NIBAN1: variants seen among roughly 807,000 people sequenced by gnomAD.
NIBAN1 encodes niban apoptosis regulator 1, also known as protein Niban 1.
Under a neutral mutation model 75.1 loss-of-function variants are expected in NIBAN1, and 81 were observed. The observed-to-expected ratio is 1.08, with a 90% CI of 0.90 to 1.30. The LOEUF is 1.30. NIBAN1 is among the 50% of genes most tolerant of loss of function. The pLI, the probability that NIBAN1 is intolerant of heterozygous loss-of-function variation, is 0.00. For synonymous variants in NIBAN1, 436 were observed against 424.8 expected, an observed-to-expected ratio of 1.03 and a Z score of -0.32; for missense variants, 1,133 against 1,128.1, an observed-to-expected ratio of 1.00 and a Z score of -0.06.
At chr1:184,882,612 T>C (rs1164519803) in intron 5 of NIBAN1, among the ~76,000 whole-genome samples, 1 of 152,190 alleles carries the variant, frequency 6.6e-6, no homozygotes, top group East Asian at 1.9e-4. Context: ...GAGTGGGGTT[T>C]TGAATGGGCT....
At chr1:184,837,090 A>T (rs1655163447) in intron 5 of NIBAN1, among the ~76,000 whole-genome samples, 1 of 152,246 alleles carries the variant, frequency 6.6e-6, no homozygotes, top group Non-Finnish European at 1.5e-5. Flanking sequence ...GAGCTCAGTC[A>T]GAATGTACAG....
At chr1:184,818,952 A>G in intron 8 of NIBAN1, 127 bp from the exon 9 acceptor site, 1 of 1,006,496 alleles carries the variant, frequency 9.9e-7, no homozygotes, top group East Asian at 2.5e-5. Context: ...TCAAGAGGCC[A>G]TGACAGACTA....
chr1:184,869,254 A>G (rs1456672299), intron 5 of NIBAN1, among the ~76,000 whole-genome samples: 2 of 152,196 alleles, frequency 1.3e-5, no homozygotes, highest in African/African-American at 2.4e-5. Flanking sequence ...TTATCTTACT[A>G]GTGGAGATCA....
Position 184,974,497 on chromosome 1 carries a change from G to T in NIBAN1, c.-141C>A. ...AGAGGCGAGAGACAGGAGGCAAGAG[G>T]CGTCGCCTTCTGGGGCGCCTCCTCC... On this transcript the variant is annotated 5_prime_UTR_variant, in exon 1 of 14. Coordinates refer to ENST00000367511, the MANE Select transcript of NIBAN1 (RefSeq NM_052966.4). The T allele has an allele frequency of 2.6e-6, 3 of 1,166,896 alleles. No homozygotes were observed. Among genetic ancestry groups the T allele is most frequent in the Non-Finnish European group, 3.5e-6 (3 of 845,940 alleles). The allele number at this position is 1,166,896 out of a possible 1,614,324, so 72.3% of individuals were successfully genotyped here.
chr1:184,926,330 C>A (rs1215385352), intron 1 of NIBAN1, among the ~76,000 whole-genome samples: 1 of 152,170 alleles, frequency 6.6e-6, no homozygotes, highest in Non-Finnish European at 1.5e-5. Context: ...CTCCACCTCC[C>A]GGGTTCAAGT....
At chr1:184,973,428 G>A (rs1658987074) in intron 1 of NIBAN1, among the ~76,000 whole-genome samples, 1 of 151,692 alleles carries the variant, frequency 6.6e-6, no homozygotes, top group Non-Finnish European at 1.5e-5. Flanking sequence ...GAGGGTGGGG[G>A]ATCTGGCGGC....
chr1:184,875,207 C>A (rs1233201821), intron 5 of NIBAN1, among the ~76,000 whole-genome samples: 1 of 152,108 alleles, frequency 6.6e-6, no homozygotes, highest in African/African-American at 2.4e-5. Flanking sequence ...AGAAAAATGG[C>A]CGATGACTAA....
At chr1:184,856,561 A>G (rs1655682519) in intron 5 of NIBAN1, among the ~76,000 whole-genome samples, 1 of 152,202 alleles carries the variant, frequency 6.6e-6, no homozygotes, top group Non-Finnish European at 1.5e-5. Context: ...CAGAAATGAG[A>G]AAATCATAAT....
chr1:184,842,757 T>C (rs569339288), intron 5 of NIBAN1, among the ~76,000 whole-genome samples: 1 of 132,564 alleles, frequency 7.5e-6, no homozygotes, highest in African/African-American at 2.9e-5. Context: ...AAAGTGAAAC[T>C]CTGTCTCAAA....
chr1:184,818,578 C>T, intron 9 of NIBAN1, 60 bp downstream of exon 9: 1 of 1,436,378 alleles, frequency 7.0e-7, no homozygotes, highest in African/African-American at 1.4e-5. Flanking sequence ...CAGATAAAGC[C>T]CCATGGAAAA....
At chr1:184,960,521 G>C (rs569914761) in intron 1 of NIBAN1, among the ~76,000 whole-genome samples, 1 of 152,112 alleles carries the variant, frequency 6.6e-6, no homozygotes, top group African/African-American at 2.4e-5. Context: ...ATTTGCTGAG[G>C]GTGCTATTCA....
intron 8 of NIBAN1, among the ~76,000 whole-genome samples, chr1:184,820,391 C>T (rs1004085986): frequency 3.3e-5 from 5 of 152,138 alleles, no homozygotes; most frequent in African/African-American, 7.2e-5. Flanking sequence ...AATGTGCTTC[C>T]GCCCCCTCTC....
At chr1:184,807,999 G>A in intron 10 of NIBAN1, 75 bp downstream of exon 10, 1 of 1,531,722 alleles carries the variant, frequency 6.5e-7, no homozygotes, top group Non-Finnish European at 9.0e-7. Flanking sequence ...ACTAGCAGCT[G>A]GTCTCACTGG....
At chr1:184,812,071 G>T (rs1274617425) in intron 9 of NIBAN1, among the ~76,000 whole-genome samples, 1 of 152,130 alleles carries the variant, frequency 6.6e-6, no homozygotes, top group Admixed American at 6.5e-5. Context: ...TTTCAGTGTC[G>T]CTGAAATGAA....
At position 184,795,736 on chromosome 1, in the gene NIBAN1, G is replaced by A. The variant is rs376073509; in HGVS notation, c.2028C>T (p.Leu676=). 89 of 1,612,408 alleles carry A rather than the reference G, an allele frequency of 5.5e-5. No individual in the cohort carries two copies. The highest frequency in any genetic ancestry group is 7.4e-5 in the Non-Finnish European group (87 of 1,179,116). ...NPVATEDTAG[L]PGTCSSELEF... ...CCAGCTCTGATGAGCATGTGCCCGGGAGTCCTGCTGTGTCCTCTGTTGCCA... is the reference window on the plus strand; with the variant it reads ...CCAGCTCTGATGAGCATGTGCCCGGAAGTCCTGCTGTGTCCTCTGTTGCCA... Residue 676 remains leucine (L), a synonymous_variant, in exon 14 of 14, where the codon CTC becomes CTT. Transcript: ENST00000367511.
In NIBAN1 at chr1:184,914,703, A is replaced by T. The variant is rs141627905; in HGVS notation, c.56-15394T>A. On this transcript the variant is annotated intron_variant, in intron 1 of 13. Transcript: ENST00000367511. ...TCATCTCACATACTTTTACAAAATT[A>T]ATGGTTTAGTTAACTTTCTTTTTTT... Among the ~76,000 whole-genome samples the T allele has an allele frequency of 1.6e-3, 246 of 150,442 alleles. 4 individuals are homozygous for T. Among genetic ancestry groups the T allele is most frequent in the Non-Finnish European group, 3.1e-4 (21 of 67,824 alleles).
At position 184,862,311 on chromosome 1, in the gene NIBAN1, C is replaced by CT. The variant is rs555669734; in HGVS notation, c.601+22321dup. ...TCCATTTCTCAACAGGTTTTTCATA[C>CT]TTTTTTTTTTTTAAGGTGAGATCTC... On this transcript the variant is annotated intron_variant, in intron 5 of 13. Transcript: ENST00000367511. 1.2e-3 allele frequency among the ~76,000 whole-genome samples: 181 copies of CT among 145,196 alleles called. 1 individual carries two copies. The highest frequency in any genetic ancestry group is 8.6e-3 in the East Asian group (43 of 5,022).
chr1:184,871,603 C>A (rs145406501), intron 5 of NIBAN1, among the ~76,000 whole-genome samples: 1,813 of 152,196 alleles, frequency 0.012, 16 homozygotes, highest in Non-Finnish European at 0.019. Flanking sequence ...ACAGCCCTAG[C>A]AAACTAATAC....
rs2102170709 is a variant in NIBAN1 at position 184,792,901 on chromosome 1, G to A, written c.*2076C>T. On this transcript the variant is annotated 3_prime_UTR_variant, in exon 14 of 14. Coordinates refer to ENST00000367511, the MANE Select transcript of NIBAN1 (RefSeq NM_052966.4). ...AGAGAGGAGCCACTTGGAGAGACAA[G>A]AAGTAAACCTAATTTCAACACACCA... 6.6e-6 allele frequency: 1 copy of A among 152,354 alleles called. No homozygotes were observed. The highest frequency in any genetic ancestry group is 2.4e-5 in the African/African-American group (1 of 41,576). The allele number at this position is 152,354 out of a possible 1,614,324, so 9.4% of individuals were successfully genotyped here.
Sources: allele counts gnomAD v4.1 joint callset (sites outside exome capture counted in the v4.1 genomes callset), GRCh38; gene constraint gnomAD v4.1.1; transcripts MANE v1.5; gene names NCBI Gene and HGNC (gene_info 2026-07-23, HGNC 2026-07-21).